The following TBP variants were observed in gnomAD, a reference collection of about 807,000 sequenced individuals.
TBP encodes TATA-box binding protein, also known as TATA-box-binding protein.
In TBP, 12 loss-of-function variants were observed where a neutral mutation model predicts 46.2. The ratio of observed to expected loss-of-function variants is 0.26; its 90% CI spans 0.17 to 0.42. TBP has a LOEUF of 0.42. TBP is among the 10% of genes least tolerant of loss of function. The pLI, the probability that TBP is intolerant of heterozygous loss-of-function variation, is 1.00. For missense variants in TBP, 229 were observed against 403.1 expected (o/e 0.57, Z 3.70); for synonymous variants, 157 against 148.3 (o/e 1.06, Z -0.42).
intron 2 of TBP, among the ~76,000 whole-genome samples, chr6:170,560,030 T>C (rs2114992263): frequency 6.6e-6 from 1 of 152,364 alleles, no homozygotes; most frequent in African/African-American, 2.4e-5. Context: ...CTTTGAGATC[T>C]GCTCAGAAAA....
chr6:170,557,938 G>A (rs952721579), intron 2 of TBP, among the ~76,000 whole-genome samples: 1 of 152,128 alleles, frequency 6.6e-6, no homozygotes, highest in African/African-American at 2.4e-5. Context: ...CAATGCTGAA[G>A]ATTAGTTTTG....
Position 170,564,590 on chromosome 6 carries a change from G to T in TBP, c.543G>T (p.Lys181Asn). 6.2e-7 allele frequency: 1 copy of T among 1,611,112 alleles called. No individual in the cohort carries two copies. The highest frequency in any genetic ancestry group is 1.1e-5 in the South Asian group (1 of 90,576). The part of the protein sequence containing the change: ...TVNLGCKLDL[K>N]TIALRARNAE... Reference sequence around the variant, plus strand: ...ATCTTGGTTGTAAACTTGACCTAAAGACCATTGCACTTCGTGCCCGAAACG... The same window carrying T: ...ATCTTGGTTGTAAACTTGACCTAAATACCATTGCACTTCGTGCCCGAAACG... Residue 181 changes from lysine (K) to asparagine (N), a missense_variant, in exon 4 of 8, where the codon AAG becomes AAT. Lys to Asn is a moderately conservative substitution (Grantham distance 94). Around this residue, in one of 4 missense-constraint regions of TBP, gnomAD observed 67 missense variants for 188.2 expected, o/e 0.36. Coordinates refer to ENST00000392092, the MANE Select transcript of TBP (RefSeq NM_003194.5).
rs143655307 is a variant in TBP at position 170,562,021 on chromosome 6, G to A, written c.285G>A (p.Gln95=). 1.2e-6 allele frequency: 2 copies of A among 1,612,008 alleles called. No homozygotes were observed. Among genetic ancestry groups the A allele is most frequent in the Non-Finnish European group, 1.7e-6 (2 of 1,179,534 alleles). Residue 95 remains glutamine (Q), a synonymous_variant, in exon 3 of 8, where the codon CAG becomes CAA. Transcript: ENST00000392092. ...QQQQQQQQQQ[Q]AVAAAAVQQS... is the part of the protein sequence containing the mutation. ...AGCAGCAGCAGCAGCAGCAGCAACA[G>A]GCAGTGGCAGCTGCAGCCGTTCAGC... is the stretch of plus-strand genomic sequence containing the variant.
Position 170,561,963 on chromosome 6 carries a change from AG to A in TBP, c.228del (p.Gln76HisfsTer68), listed in dbSNP as rs1779152095. 7 of 903,308 alleles carry A rather than the reference AG, an allele frequency of 7.7e-6. No homozygotes were observed. In the African/African-American group the frequency reaches 1.1e-4, roughly 15 times the overall value. The allele number at this position is 903,308 out of a possible 1,614,324, so 56.0% of individuals were successfully genotyped here. On this transcript the variant is annotated frameshift_variant, in exon 3 of 8. Coordinates refer to ENST00000392092, the MANE Select transcript of TBP (RefSeq NM_003194.5). LOFTEE classifies it high-confidence loss of function. ...CAGCAGCAGCAGCAACAGCAACAGCAGCAGCAGCAGCAGCAGCAGCAGCAGC... is the reference window on the plus strand; with the variant it reads ...CAGCAGCAGCAGCAACAGCAACAGCACAGCAGCAGCAGCAGCAGCAGCAGC... ...QQQQQQQQQQQQQQQQQQQQQ... is the reference protein window; with the variant it reads ...QQQQQQQQQQXQQQQQQQQQQ...
Position 170,554,818 on chromosome 6 carries a change from G to T in TBP, c.-149+355G>T, listed in dbSNP as rs17860797. The T allele has an allele frequency of 2.0e-5, 3 of 152,286 alleles. No homozygotes were observed. In the South Asian group the frequency reaches 6.2e-4, roughly 32 times the overall value. The allele number at this position is 152,286 out of a possible 1,614,324, so 9.4% of individuals were successfully genotyped here. The stretch of plus-strand genomic sequence containing the variant: ...CCGCTTCTTCTCCATGTTAGAAGCA[G>T]ATTCACCCAGATCTGTGCCCGCCTG... On this transcript the variant is annotated intron_variant, in intron 1 of 7. Coordinates refer to ENST00000392092, the MANE Select transcript of TBP (RefSeq NM_003194.5).
In TBP at chr6:170,572,482, T is replaced by C. The variant is rs1406157672; in HGVS notation, c.*217T>C. The C allele has an allele frequency of 8.6e-6, 5 of 580,366 alleles. No homozygotes were observed. Among genetic ancestry groups the C allele is most frequent in the Non-Finnish European group, 1.5e-5 (5 of 327,344 alleles). 36.0% of individuals were successfully genotyped at this position (580,366 alleles called of 1,614,324 possible). A position where few individuals can be genotyped will look rare whatever the true frequency, so the allele number is the denominator to read the frequency against. On this transcript the variant is annotated 3_prime_UTR_variant, in exon 8 of 8. Transcript: ENST00000392092. ...GAACACCGCGCAGCGTGACTGTGAG[T>C]TGCTCATACCGTGCTGCTATCTGGG...
In TBP at chr6:170,555,077, T is replaced by TA. The variant is rs140014483; in HGVS notation, c.-149+615dup. 1.9e-3 allele frequency among the ~76,000 whole-genome samples: 288 copies of TA among 152,294 alleles called. 7 individuals are homozygous for TA. In the East Asian group the frequency reaches 0.041, roughly 22 times the overall value. Reference sequence around the variant, plus strand: ...AATTAATTTGATTGCCTCCAAAAAATATCGGATTTGATGTTTCAATTTCCA... The same window carrying TA: ...AATTAATTTGATTGCCTCCAAAAAATAATCGGATTTGATGTTTCAATTTCCA... On this transcript the variant is annotated intron_variant, in intron 1 of 7. Coordinates refer to ENST00000392092, the MANE Select transcript of TBP (RefSeq NM_003194.5).
chr6:170,558,021 T>A (rs1349595913), intron 2 of TBP, among the ~76,000 whole-genome samples: 1 of 152,196 alleles, frequency 6.6e-6, no homozygotes, highest in African/African-American at 2.4e-5. Context: ...CTTAGCCCAG[T>A]GTACTGTTTG....
chr6:170,567,802 C>T (rs1306494371), intron 5 of TBP, among the ~76,000 whole-genome samples: 3 of 152,192 alleles, frequency 2.0e-5, no homozygotes, highest in African/African-American at 4.8e-5. Context: ...CTATATTCTC[C>T]ATCTGAAGTG....
intron 6 of TBP, among the ~76,000 whole-genome samples, chr6:170,570,534 T>C (rs1779348821): frequency 2.6e-5 from 4 of 152,102 alleles, no homozygotes. Flanking sequence ...TTACTAGGCT[T>C]AGAAGAATAT....
At chr6:170,560,380 C>A (rs1779118836) in intron 2 of TBP, among the ~76,000 whole-genome samples, 1 of 152,092 alleles carries the variant, frequency 6.6e-6, no homozygotes, top group African/African-American at 2.4e-5. Flanking sequence ...TGGCATGTGC[C>A]TGTAGTCCCA....
In TBP at chr6:170,564,552, G is replaced by A; in HGVS notation, c.505G>A (p.Val169Ile). The A allele has an allele frequency of 6.3e-7, 1 of 1,599,320 alleles. No homozygotes were observed. Among genetic ancestry groups the A allele is most frequent in the Non-Finnish European group, 8.5e-7 (1 of 1,172,834 alleles). The part of the protein sequence containing the change: ...SGIVPQLQNI[V>I]STVNLGCKLD... Reference sequence around the variant, plus strand: ...TTTTTAAATCTCTTACAGAAATATTGTATCCACAGTGAATCTTGGTTGTAA... The same window carrying A: ...TTTTTAAATCTCTTACAGAAATATTATATCCACAGTGAATCTTGGTTGTAA... The change falls in exon 4 of 8, where the codon GTA (valine) becomes ATA (isoleucine). Residue 169 changes from valine (V) to isoleucine (I), a missense_variant. Val to Ile is a conservative substitution (Grantham distance 29). This residue lies in a region of TBP where 67 missense variants were observed against 188.2 expected (regional missense o/e 0.36). Coordinates refer to ENST00000392092, the MANE Select transcript of TBP (RefSeq NM_003194.5).
chr6:170,558,848 C>G (rs1295147866), intron 2 of TBP, among the ~76,000 whole-genome samples: 1 of 152,104 alleles, frequency 6.6e-6, no homozygotes, highest in East Asian at 1.9e-4. Context: ...CATGCGCCAC[C>G]ACACCCAGCT....
rs902804899 is a variant in TBP at position 170,554,382 on chromosome 6, A to G, written c.-230A>G. On this transcript the variant is annotated 5_prime_UTR_variant, in exon 1 of 8. Transcript: ENST00000392092. ...CGCCAGGGGTTCAGTGAGGTCGGGC[A>G]GGTTCGCTGTGGCGGGCGCCTGGGC... The G allele has an allele frequency of 6.6e-6, 1 of 152,626 alleles. No individual in the cohort carries two copies. Among genetic ancestry groups the G allele is most frequent in the Non-Finnish European group, 1.5e-5 (1 of 68,346 alleles). 9.5% of individuals were successfully genotyped at this position (152,626 alleles called of 1,614,324 possible). A position where few individuals can be genotyped will look rare whatever the true frequency, so the allele number is the denominator to read the frequency against.
At position 170,557,068 on chromosome 6, in the gene TBP, C is replaced by G; in HGVS notation, c.39C>G (p.Gly13=). The change falls in exon 2 of 8, where the codon GGC becomes GGG. Residue 13 remains glycine, a synonymous_variant. Coordinates refer to ENST00000392092, the MANE Select transcript of TBP (RefSeq NM_003194.5). ...ACAGCCTGCCACCTTACGCTCAGGG[C>G]TTGGCCTCCCCTCAGGTAATATAGC... ...QNNSLPPYAQ[G]LASPQGAMTP... is the part of the protein sequence containing the mutation. 6.2e-7 allele frequency: 1 copy of G among 1,614,118 alleles called. No individual in the cohort carries two copies. The highest frequency in any genetic ancestry group is 8.5e-7 in the Non-Finnish European group (1 of 1,179,996).
chr6:170,568,900 C>T (rs1475101548), intron 5 of TBP, among the ~76,000 whole-genome samples: 1 of 143,026 alleles, frequency 7.0e-6, no homozygotes, highest in Non-Finnish European at 1.5e-5. Context: ...GCAACCTCCA[C>T]CTCCCAGGTT....
chr6:170,567,121 A>T (rs910555430), intron 5 of TBP, 112 bp downstream of exon 5: 1 of 527,668 alleles, frequency 1.9e-6, no homozygotes, highest in Non-Finnish European at 3.0e-6. Context: ...TTGCTTTCTT[A>T]TAAAAACCAT....
At chr6:170,569,482 C>G (rs1253030716) in intron 5 of TBP, 130 bp from the exon 6 acceptor site, 5 of 663,902 alleles carry the variant, frequency 7.5e-6, no homozygotes, top group South Asian at 2.7e-5. Flanking sequence ...AGTCTTTTCT[C>G]CTATTGCAAG....
intron 5 of TBP, 24 bp from the exon 6 acceptor site, chr6:170,569,587 TA>T (rs764608771): frequency 1.5e-5 from 24 of 1,604,388 alleles, no homozygotes; most frequent in Non-Finnish European, 1.5e-5. Context: ...TGAGTATGAA[TA>T]ACTCACTTTT....
Sources: allele counts gnomAD v4.1 joint callset (sites outside exome capture counted in the v4.1 genomes callset), GRCh38; gene constraint gnomAD v4.1.1; regional missense constraint gnomAD v4.1.1; transcripts MANE v1.5; gene names NCBI Gene and HGNC (gene_info 2026-07-23, HGNC 2026-07-21).